Variants in EEFSEC observed in about 807,000 individuals in gnomAD.
EEFSEC encodes the protein selenocysteine-specific elongation factor.
A neutral mutation model predicts 42.1 loss-of-function variants in EEFSEC; 43 were observed. That is an observed-to-expected ratio of 1.02 (90% CI 0.80 to 1.32). EEFSEC has a LOEUF of 1.32. EEFSEC is among the 40% of genes most tolerant of loss of function. The pLI, the probability that EEFSEC is intolerant of heterozygous loss-of-function variation, is 0.00. For synonymous variants in EEFSEC, 354 were observed against 339.1 expected (o/e 1.04, Z -0.48); for missense variants, 745 against 803.6 (o/e 0.93, Z 0.88).
intron 6 of EEFSEC, among the ~76,000 whole-genome samples, chr3:128,379,800 G>A (rs2067752594): frequency 6.6e-6 from 1 of 152,204 alleles, no homozygotes; most frequent in African/African-American, 2.4e-5. Context: ...TTCTCCAGGA[G>A]CCCCTCCCTC....
intron 1 of EEFSEC, among the ~76,000 whole-genome samples, chr3:128,171,919 A>AT (rs1391129521): frequency 6.6e-6 from 1 of 152,186 alleles, no homozygotes; most frequent in East Asian, 1.9e-4. Flanking sequence ...TATAGCAACT[A>AT]TTTACATAGC....
chr3:128,246,074 C>T lies in EEFSEC; in HGVS notation c.317-762C>T, dbSNP rs373317332. On this transcript the variant is annotated intron_variant, in intron 1 of 6. Coordinates refer to ENST00000254730, the MANE Select transcript of EEFSEC (RefSeq NM_021937.5). ...TTCTTGTTGAAATGACTCCAAATCC[C>T]GTTAAAAAGGAAACAGTCACTTCAC... is the stretch of plus-strand genomic sequence containing the variant. Among the ~76,000 whole-genome samples the T allele has an allele frequency of 5.0e-4, 76 of 152,302 alleles. 1 individual carries two copies. In the South Asian group the frequency reaches 0.014, roughly 28 times the overall value.
At chr3:128,171,392 C>G (rs2065295061) in intron 1 of EEFSEC, among the ~76,000 whole-genome samples, 1 of 151,738 alleles carries the variant, frequency 6.6e-6, no homozygotes, top group African/African-American at 2.4e-5. Flanking sequence ...AGGCTTGTAC[C>G]TACAATGGCA....
intron 1 of EEFSEC, among the ~76,000 whole-genome samples, chr3:128,203,817 T>C (rs2065666405): frequency 6.6e-6 from 1 of 152,240 alleles, no homozygotes; most frequent in East Asian, 1.9e-4. Flanking sequence ...GCCACTGTTA[T>C]ACTTGGCCAG....
chr3:128,384,623 G>A (rs1021809490), intron 6 of EEFSEC, among the ~76,000 whole-genome samples: 5 of 152,206 alleles, frequency 3.3e-5, no homozygotes, highest in Non-Finnish European at 7.4e-5. Flanking sequence ...TACAAGGCCT[G>A]AGGTGGCTGT....
chr3:128,367,627 C>A (rs1042665313), intron 6 of EEFSEC: 4 of 985,198 alleles, frequency 4.1e-6, no homozygotes, highest in Non-Finnish European at 4.8e-6. Context: ...CATTGCTGCA[C>A]CCCTACTTAG....
chr3:128,403,218 G>T (rs1302991074), intron 6 of EEFSEC, among the ~76,000 whole-genome samples: 3 of 152,182 alleles, frequency 2.0e-5, no homozygotes, highest in African/African-American at 7.2e-5. Context: ...CAGGCCAGGT[G>T]TGCCTCCCAG....
the EEFSEC span, among the ~76,000 whole-genome samples, chr3:128,415,215 A>C: frequency 1.3e-5 from 2 of 152,240 alleles, no homozygotes; most frequent in African/African-American, 4.8e-5. Flanking sequence ...AGGCTATGGG[A>C]TCCTGAGGCC....
intron 2 of EEFSEC, among the ~76,000 whole-genome samples, chr3:128,255,877 G>C (rs2066237097): frequency 6.6e-6 from 1 of 152,106 alleles, no homozygotes; most frequent in Admixed American, 6.5e-5. Flanking sequence ...ATCAGCATGG[G>C]TTCCTGGAAG....
intron 5 of EEFSEC, among the ~76,000 whole-genome samples, chr3:128,347,090 G>A (rs1330595237): frequency 6.6e-6 from 1 of 152,200 alleles, no homozygotes; most frequent in African/African-American, 2.4e-5. Context: ...AACCCTCTCA[G>A]CAGTCCTTAG....
chr3:128,295,922 G>A (rs1454843166), intron 4 of EEFSEC, among the ~76,000 whole-genome samples: 2 of 152,300 alleles, frequency 1.3e-5, no homozygotes, highest in South Asian at 2.1e-4. Context: ...GCTTTCCAGC[G>A]TGATGTGGTG....
At chr3:128,180,905 TC>T (rs1424021152) in intron 1 of EEFSEC, among the ~76,000 whole-genome samples, 1 of 152,236 alleles carries the variant, frequency 6.6e-6, no homozygotes, top group Non-Finnish European at 1.5e-5. Context: ...GGCCTTTATT[TC>T]TGTATTTATT....
chr3:128,294,371 A>C (rs1383925314), intron 4 of EEFSEC, among the ~76,000 whole-genome samples: 2 of 152,212 alleles, frequency 1.3e-5, no homozygotes, highest in African/African-American at 4.8e-5. Flanking sequence ...TGTTCTGGGA[A>C]GGGGAATTTA....
chr3:128,229,141 C>T (rs961614729), intron 1 of EEFSEC, among the ~76,000 whole-genome samples: 1 of 152,214 alleles, frequency 6.6e-6, no homozygotes, highest in African/African-American at 2.4e-5. Flanking sequence ...CATGCATTAA[C>T]TCCTTCAGTC....
chr3:128,367,456 A>C (rs1443803342), intron 6 of EEFSEC, among the ~76,000 whole-genome samples: 1 of 152,162 alleles, frequency 6.6e-6, no homozygotes, highest in Admixed American at 6.5e-5. Flanking sequence ...GTGCCCCTGG[A>C]GGTGAGGGTG....
At chr3:128,155,393 G>T (rs553350365) in intron 1 of EEFSEC, among the ~76,000 whole-genome samples, 1 of 152,292 alleles carries the variant, frequency 6.6e-6, no homozygotes, top group African/African-American at 2.4e-5. Context: ...TTACAGGTGT[G>T]AGCCACTGTG....
At chr3:128,353,525 A>G (rs550275498) in intron 5 of EEFSEC, among the ~76,000 whole-genome samples, 1 of 152,328 alleles carries the variant, frequency 6.6e-6, no homozygotes, top group East Asian at 1.9e-4. Flanking sequence ...TGTCTTCTGC[A>G]ATGACTTGGG....
At chr3:128,158,584 G>GTC (rs532284745) in intron 1 of EEFSEC, among the ~76,000 whole-genome samples, 40 of 152,330 alleles carry the variant, frequency 2.6e-4, no homozygotes, top group Non-Finnish European at 4.6e-4. Flanking sequence ...ATGACTTGCT[G>GTC]AAGGTTCAGT....
intron 6 of EEFSEC, among the ~76,000 whole-genome samples, chr3:128,396,167 G>A (rs1319344341): frequency 6.6e-6 from 1 of 152,174 alleles, no homozygotes; most frequent in Non-Finnish European, 1.5e-5. Context: ...ATCTGTGTGT[G>A]GTTTGTGTGT....
Sources: allele counts gnomAD v4.1 joint callset (sites outside exome capture counted in the v4.1 genomes callset), GRCh38; gene constraint gnomAD v4.1.1; transcripts MANE v1.5; gene names NCBI Gene and HGNC (gene_info 2026-07-23, HGNC 2026-07-21).